The following TPRG1 variants were observed in gnomAD, a reference collection of about 807,000 sequenced individuals.
TPRG1 encodes tumor protein p63 regulated 1.
A neutral mutation model predicts 29.3 loss-of-function variants in TPRG1; 29 were observed. The observed-to-expected ratio is 0.99, with a 90% CI of 0.74 to 1.35. The LOEUF (loss-of-function observed/expected upper bound fraction) is 1.35. Ranked by LOEUF, TPRG1 falls within the 40% of genes most tolerant of loss-of-function variation. The pLI, the probability that TPRG1 is intolerant of heterozygous loss-of-function variation, is 0.00. For synonymous variants in TPRG1, 130 were observed against 116.8 expected, an observed-to-expected ratio of 1.11 and a Z score of -0.73; for missense variants, 327 against 335.0, an observed-to-expected ratio of 0.98 and a Z score of 0.19.
Position 189,250,506 on chromosome 3 carries a change from C to CG in TPRG1, c.479+11597_479+11598insG, listed in dbSNP as rs1553931533. ...GGTGTTAACAAGTTCTGATTTCCGC[C>CG]CCCCCCCCCCCACCCAGATTAAAGC... On this transcript the variant is annotated intron_variant, in intron 4 of 5. Coordinates refer to ENST00000345063, the MANE Select transcript of TPRG1 (RefSeq NM_198485.4). 4.7e-5 allele frequency among the ~76,000 whole-genome samples: 3 copies of CG among 63,604 alleles called. 1 individual carries two copies. The highest frequency in any genetic ancestry group is 1.7e-3 in the South Asian group (2 of 1,184). The allele number at this position is 63,604 out of a possible 152,430, so 41.7% of individuals were successfully genotyped here.
At chr3:189,145,406 A>G (rs1459494080) in intron 3 of TPRG1, among the ~76,000 whole-genome samples, 1 of 151,904 alleles carries the variant, frequency 6.6e-6, no homozygotes, top group African/African-American at 2.4e-5. Flanking sequence ...CAAATACCAT[A>G]GACTAACACA....
At chr3:189,145,018 ATT>A (rs1191651664) in intron 3 of TPRG1, among the ~76,000 whole-genome samples, 1 of 152,124 alleles carries the variant, frequency 6.6e-6, no homozygotes, top group African/African-American at 2.4e-5. Context: ...TCTGTTCAAT[ATT>A]TTTTGTTAAT....
chr3:189,050,627 C>T (rs551480155), intron 4 of TPRG1, among the ~76,000 whole-genome samples: 20 of 152,162 alleles, frequency 1.3e-4, no homozygotes, highest in South Asian at 1.2e-3. Context: ...AGGACATAAC[C>T]AAGAAAGAAA....
At chr3:189,318,109 C>G (rs1723844273) in intron 5 of TPRG1, among the ~76,000 whole-genome samples, 2 of 152,136 alleles carry the variant, frequency 1.3e-5, no homozygotes. Context: ...CGGGCGTGCC[C>G]TCTATTACAG....
At position 189,321,409 on chromosome 3, in the gene TPRG1, C is replaced by T. The variant is rs1162956486; in HGVS notation, c.*589C>T. 6.6e-6 allele frequency: 1 copy of T among 151,948 alleles called. No individual in the cohort carries two copies. 9.4% of individuals were successfully genotyped at this position (151,948 alleles called of 1,614,324 possible). ...ATTTATATGGTCCCAGTTATCCATC[C>T]CTGAAGTCTGTCAATTTTGATTTCT... On this transcript the variant is annotated 3_prime_UTR_variant, in exon 6 of 6. Coordinates refer to ENST00000345063, the MANE Select transcript of TPRG1 (RefSeq NM_198485.4).
intron 5 of TPRG1, among the ~76,000 whole-genome samples, chr3:189,159,868 G>GTGTGTGTGTGTGT (rs141895328): frequency 0.041 from 6,055 of 146,480 alleles, 192 homozygotes; most frequent in South Asian, 0.061. Context: ...GTGTGTGTGT[G>GTGTGTGTGTGTGT]GTGGTGGGGG....
chr3:189,245,295 G>C (rs919036375), intron 4 of TPRG1, among the ~76,000 whole-genome samples: 3 of 151,946 alleles, frequency 2.0e-5, no homozygotes, highest in African/African-American at 7.3e-5. Flanking sequence ...ACTTCTTGAA[G>C]TGCAGCCCAA....
chr3:189,178,724 T>C (rs1383572459), intron 1 of TPRG1, among the ~76,000 whole-genome samples: 1 of 152,214 alleles, frequency 6.6e-6, no homozygotes, highest in Non-Finnish European at 1.5e-5. Flanking sequence ...TTCTAAAAGT[T>C]GAGTTCATGG....
intron 4 of TPRG1, among the ~76,000 whole-genome samples, chr3:189,276,178 T>C (rs539653131): frequency 7.9e-5 from 12 of 151,914 alleles, no homozygotes; most frequent in Non-Finnish European, 1.5e-4. Flanking sequence ...GCTGCCACGA[T>C]AGAATTGGTA....
At chr3:189,312,117 G>A (rs12629368) in intron 5 of TPRG1, among the ~76,000 whole-genome samples, 2 of 61,358 alleles carry the variant, frequency 3.3e-5, no homozygotes, top group Non-Finnish European at 3.4e-5. Flanking sequence ...TTCTTTCTTT[G>A]TTTCTTTCTT....
At chr3:189,310,593 T>G in intron 5 of TPRG1, 54 bp downstream of exon 5, 4 of 1,390,882 alleles carry the variant, frequency 2.9e-6, no homozygotes, top group Non-Finnish European at 4.0e-6. Context: ...TGGAGCTATG[T>G]GCTTCTAGGG....
intron 4 of TPRG1, among the ~76,000 whole-genome samples, chr3:189,032,432 G>T (rs1241135327): frequency 6.6e-6 from 1 of 152,062 alleles, no homozygotes; most frequent in African/African-American, 2.4e-5. Context: ...TAATACAGTG[G>T]TAATTTGTTA....
chr3:189,142,324 C>A (rs372446432), intron 3 of TPRG1, among the ~76,000 whole-genome samples: 15 of 152,152 alleles, frequency 9.9e-5, no homozygotes, highest in African/African-American at 3.6e-4. Flanking sequence ...ACCTGCAGAC[C>A]CCACAAAAGC....
At chr3:189,016,096 A>G (rs1156411241) in intron 3 of TPRG1, among the ~76,000 whole-genome samples, 4 of 152,114 alleles carry the variant, frequency 2.6e-5, no homozygotes, top group Non-Finnish European at 5.9e-5. Flanking sequence ...GAAAGCAGCC[A>G]AGAGGCCTGT....
chr3:189,290,571 G>A (rs759526793), intron 4 of TPRG1, among the ~76,000 whole-genome samples: 7 of 152,256 alleles, frequency 4.6e-5, no homozygotes, highest in Non-Finnish European at 1.0e-4. Flanking sequence ...TTAAGTGGCA[G>A]CTTTTATTAA....
intron 1 of TPRG1, among the ~76,000 whole-genome samples, chr3:189,194,253 T>C (rs1732178874): frequency 6.6e-6 from 1 of 151,926 alleles, no homozygotes; most frequent in African/African-American, 2.4e-5. Flanking sequence ...ACAGCATAGG[T>C]TGTTAATGTT....
At chr3:189,209,775 G>A (rs1006386602) in intron 2 of TPRG1, among the ~76,000 whole-genome samples, 4 of 152,146 alleles carry the variant, frequency 2.6e-5, no homozygotes, top group African/African-American at 7.2e-5. Context: ...CAATCAATGC[G>A]AAGAATATCT....
intron 4 of TPRG1, among the ~76,000 whole-genome samples, chr3:189,091,388 A>G (rs1385717666): frequency 6.6e-6 from 1 of 152,148 alleles, no homozygotes; most frequent in East Asian, 1.9e-4. Flanking sequence ...AATATATACA[A>G]CCACTTAATT....
intron 3 of TPRG1, among the ~76,000 whole-genome samples, chr3:189,223,265 C>G (rs1737207563): frequency 6.6e-6 from 1 of 152,156 alleles, no homozygotes; most frequent in Non-Finnish European, 1.5e-5. Context: ...GCCTCCGTGT[C>G]CATGGGCCTC....
Sources: gnomAD v4.1 joint callset for allele counts (sites outside exome capture counted in the v4.1 genomes callset) on GRCh38, gnomAD v4.1.1 for gene constraint, MANE v1.5 for transcripts, NCBI Gene and HGNC (gene_info 2026-07-23, HGNC 2026-07-21) for gene names.